CPT1A: variants seen among roughly 807,000 people sequenced by gnomAD.
The protein encoded by CPT1A is carnitine O-palmitoyltransferase 1, liver isoform.
CPT1A carries 64 observed loss-of-function variants against 100.8 expected under a neutral mutation model. The ratio of observed to expected loss-of-function variants is 0.63; its 90% CI spans 0.52 to 0.78. The LOEUF is 0.78. CPT1A is among the 30% of genes least tolerant of loss of function. The probability of loss-of-function intolerance (pLI) is 0.00; values close to 1 mark genes in which losing one functional copy is unlikely to be tolerated. For synonymous variants in CPT1A, 363 were observed against 396.0 expected (o/e 0.92, Z 0.99); for missense variants, 802 against 1,034.1 (o/e 0.78, Z 3.08).
Position 68,756,760 on chromosome 11 carries a change from T to C in CPT1A, c.*884A>G, listed in dbSNP as rs1434817231. On this transcript the variant is annotated 3_prime_UTR_variant, in exon 19 of 19. Transcript: ENST00000265641. Reference sequence around the variant, plus strand: ...TTTATGACATGTGCCTGTTATTTCTTTTGTTGCTTATGATGACAAGAAGGC... The same window carrying C: ...TTTATGACATGTGCCTGTTATTTCTCTTGTTGCTTATGATGACAAGAAGGC... 1.3e-5 allele frequency: 2 copies of C among 152,212 alleles called. No homozygotes were observed. The highest frequency in any genetic ancestry group is 4.8e-5 in the African/African-American group (2 of 41,436). The allele number at this position is 152,212 out of a possible 1,614,324, so 9.4% of individuals were successfully genotyped here.
intron 9 of CPT1A, chr11:68,786,114 C>T: frequency 1.4e-6 from 1 of 700,116 alleles, no homozygotes; most frequent in East Asian, 2.7e-5. Context: ...GTATTCCCAG[C>T]ACTTCAGGAG....
intron 1 of CPT1A, among the ~76,000 whole-genome samples, chr11:68,832,011 A>T (rs1185008024): frequency 1.3e-5 from 2 of 152,192 alleles, no homozygotes; most frequent in Non-Finnish European, 1.5e-5. Flanking sequence ...GATGTATTTG[A>T]CTAGCATTAG....
intron 9 of CPT1A, among the ~76,000 whole-genome samples, chr11:68,790,980 C>T (rs947551212): frequency 6.6e-6 from 1 of 152,056 alleles, no homozygotes; most frequent in African/African-American, 2.4e-5. Context: ...TGCACCACCA[C>T]ACCTGGCTAA....
intron 9 of CPT1A, among the ~76,000 whole-genome samples, chr11:68,785,340 C>T (rs1566357962): frequency 6.6e-6 from 1 of 151,900 alleles, no homozygotes; most frequent in Non-Finnish European, 1.5e-5. Flanking sequence ...GTGAGAGGAT[C>T]GTTTGAGGTC....
At chr11:68,772,028 C>T (rs1855003230) in intron 14 of CPT1A, among the ~76,000 whole-genome samples, 1 of 152,200 alleles carries the variant, frequency 6.6e-6, no homozygotes, top group Admixed American at 6.5e-5. Flanking sequence ...GGGGGCAGTG[C>T]CACACGCTGC....
intron 1 of CPT1A, among the ~76,000 whole-genome samples, chr11:68,824,142 G>T (rs1856661237): frequency 6.6e-6 from 1 of 151,672 alleles, no homozygotes; most frequent in Non-Finnish European, 1.5e-5. Context: ...CAGCTACTTG[G>T]GAGGCTGAAG....
At chr11:68,774,171 G>A (rs956479069) in intron 13 of CPT1A, among the ~76,000 whole-genome samples, 2 of 152,076 alleles carry the variant, frequency 1.3e-5, no homozygotes, top group African/African-American at 4.8e-5. Context: ...CCTTCCTTTC[G>A]TTCCTAAAGT....
intron 6 of CPT1A, among the ~76,000 whole-genome samples, 178 bp from the exon 7 acceptor site, chr11:68,797,111 TG>T (rs1855775947): frequency 6.6e-6 from 1 of 151,986 alleles, no homozygotes; most frequent in Non-Finnish European, 1.5e-5. Flanking sequence ...TGCGACACCG[TG>T]GGAAATGAAA....
chr11:68,781,638 A>G, intron 11 of CPT1A, 133 bp downstream of exon 11: 2 of 882,504 alleles, frequency 2.3e-6, no homozygotes, highest in Non-Finnish European at 3.8e-6. Context: ...AAATAAAATA[A>G]AACTGAAGGT....
Position 68,828,630 on chromosome 11 carries a change from C to T in CPT1A, c.-13-13143G>A, listed in dbSNP as rs115315303. Among the ~76,000 whole-genome samples, 1,092 of 152,342 alleles carry T rather than the reference C, an allele frequency of 7.2e-3. 13 individuals carry two copies. Among genetic ancestry groups the T allele is most frequent in the African/African-American group, 0.025 (1,032 of 41,570 alleles). The stretch of plus-strand genomic sequence containing the variant: ...TTAGGCCAGCTGGCAGCCAGGCCTG[C>T]GTCTGGATCCAGGCCACCAACACTG... On this transcript the variant is annotated intron_variant, in intron 1 of 18. Transcript: ENST00000265641.
rs750518086 is a variant in CPT1A, at chr11:68,761,529, A to T, written c.2028+6T>A. On this transcript the variant is annotated splice_donor_region_variant and intron_variant, in intron 16 of 18. Coordinates refer to ENST00000265641, the MANE Select transcript of CPT1A (RefSeq NM_001876.4). Reference sequence around the variant, plus strand: ...ACAACTGACGGAAGAAGTGGAAGAGACTTACTTCCTTAAGGAAAGGGGACT... The same window carrying T: ...ACAACTGACGGAAGAAGTGGAAGAGTCTTACTTCCTTAAGGAAAGGGGACT... The T allele has an allele frequency of 6.2e-7, 1 of 1,613,728 alleles. No homozygotes were observed. The highest frequency in any genetic ancestry group is 1.1e-5 in the South Asian group (1 of 91,070).
At chr11:68,766,619 G>A (rs1854809974) in intron 14 of CPT1A, among the ~76,000 whole-genome samples, 2 of 151,968 alleles carry the variant, frequency 1.3e-5, no homozygotes, top group Admixed American at 6.6e-5. Context: ...CCAAGCAGCT[G>A]GGATTACAGG....
chr11:68,772,309 T>C (rs974581154), intron 14 of CPT1A, among the ~76,000 whole-genome samples: 1 of 152,072 alleles, frequency 6.6e-6, no homozygotes, highest in Non-Finnish European at 1.5e-5. Flanking sequence ...GCCGAGATCA[T>C]GCCATTACAC....
intron 9 of CPT1A, among the ~76,000 whole-genome samples, chr11:68,788,319 C>T (rs1487697164): frequency 6.6e-6 from 1 of 152,002 alleles, no homozygotes; most frequent in East Asian, 1.9e-4. Flanking sequence ...AAAAAAGGGG[C>T]CAGGCACAGT....
intron 1 of CPT1A, among the ~76,000 whole-genome samples, chr11:68,834,892 G>A (rs1361598044): frequency 1.3e-5 from 2 of 151,652 alleles, no homozygotes; most frequent in South Asian, 4.2e-4. Flanking sequence ...TCAGCTACTC[G>A]GGAGGCTGAG....
rs541073891 is a variant in CPT1A at position 68,820,242 on chromosome 11, G to T, written c.-13-4755C>A. Among the ~76,000 whole-genome samples the T allele has an allele frequency of 9.2e-5, 14 of 152,106 alleles. No homozygotes were observed. The South Asian group carries it at 2.1e-3, about 23-fold the overall frequency. On this transcript the variant is annotated intron_variant, in intron 1 of 18. Transcript: ENST00000265641. The stretch of plus-strand genomic sequence containing the variant: ...AGACAGCGTTTCACCACCTTGCCCA[G>T]ACTGGTCTCGAACTCCTGGACTCAA...
intron 8 of CPT1A, 81 bp from the exon 9 acceptor site, chr11:68,793,483 C>A: frequency 9.2e-7 from 1 of 1,089,422 alleles, no homozygotes; most frequent in Non-Finnish European, 1.4e-6. Flanking sequence ...CGGTGGCTCA[C>A]GCCTGTAATC....
intron 1 of CPT1A, among the ~76,000 whole-genome samples, chr11:68,832,406 C>T (rs549775765): frequency 6.6e-6 from 1 of 152,140 alleles, no homozygotes; most frequent in African/African-American, 2.4e-5. Flanking sequence ...GCCAAGATTG[C>T]ACCACTGCAC....
At chr11:68,793,468 G>T (rs1307527771) in intron 8 of CPT1A, 66 bp from the exon 9 acceptor site, 41 of 1,331,578 alleles carry the variant, frequency 3.1e-5, no homozygotes, top group Non-Finnish European at 3.9e-5. Context: ...CAAGTTGGCC[G>T]GGTGCGGTGG....
Sources: gnomAD v4.1 joint callset for allele counts (sites outside exome capture counted in the v4.1 genomes callset) on GRCh38, gnomAD v4.1.1 for gene constraint, MANE v1.5 for transcripts, NCBI Gene and HGNC (gene_info 2026-07-23, HGNC 2026-07-21) for gene names.